The following LYPD6B variants were observed in gnomAD, a reference collection of about 807,000 sequenced individuals.
LYPD6B encodes the protein LY6/PLAUR domain containing 6B.
LYPD6B carries 17 observed loss-of-function variants against 22.8 expected under a neutral mutation model. That is an observed-to-expected ratio of 0.75 (90% CI 0.51 to 1.12). LYPD6B has a LOEUF of 1.12. Among genes scored for constraint, LYPD6B ranks in the 50% most tolerant of loss-of-function variants. The pLI is 0.00. For missense variants in LYPD6B, 221 were observed against 258.3 expected (o/e 0.86, Z 0.99); for synonymous variants, 106 against 91.6 (o/e 1.16, Z -0.90).
chr2:149,142,721 C>G (rs936037385), intron 2 of LYPD6B, among the ~76,000 whole-genome samples: 2 of 152,084 alleles, frequency 1.3e-5, no homozygotes, highest in African/African-American at 4.8e-5. Context: ...CCAGGCTGGC[C>G]TTGAACTCCT....
intron 1 of LYPD6B, among the ~76,000 whole-genome samples, chr2:149,075,479 G>A (rs1684840031): frequency 6.6e-6 from 1 of 150,480 alleles, no homozygotes; most frequent in South Asian, 2.1e-4. Flanking sequence ...CTGTTCATGT[G>A]ATGAAGTTAA....
rs116680787 is a variant in LYPD6B, at chr2:149,085,690, A to G, written c.-66-45193A>G. Among the ~76,000 whole-genome samples, 675 of 152,348 alleles carry G rather than the reference A, an allele frequency of 4.4e-3. 8 individuals are homozygous for G. Among genetic ancestry groups the G allele is most frequent in the African/African-American group, 0.016 (651 of 41,576 alleles). On this transcript the variant is annotated intron_variant, in intron 1 of 6. Transcript: ENST00000409642. ...AATCAACATTCTTTGAGCCAGTTAT[A>G]ACATTGTAGAATTTAAGAAAGAATT...
intron 1 of LYPD6B, among the ~76,000 whole-genome samples, chr2:149,092,190 T>G (rs1401446456): frequency 6.6e-6 from 1 of 151,430 alleles, no homozygotes; most frequent in Non-Finnish European, 1.5e-5. Flanking sequence ...ATTGTGGTGA[T>G]GGGGGGGGAA....
chr2:149,177,763 T>C (rs1250568203), intron 3 of LYPD6B, among the ~76,000 whole-genome samples: 1 of 151,904 alleles, frequency 6.6e-6, no homozygotes, highest in Non-Finnish European at 1.5e-5. Flanking sequence ...TCACGAAATC[T>C]GCTGCCCAAA....
At chr2:149,083,659 C>G (rs1685241997) in intron 1 of LYPD6B, among the ~76,000 whole-genome samples, 1 of 152,152 alleles carries the variant, frequency 6.6e-6, no homozygotes, top group Non-Finnish European at 1.5e-5. Flanking sequence ...TGAGTAGATT[C>G]AGGTTAAACA....
chr2:149,074,779 A>T (rs377620466), intron 1 of LYPD6B, among the ~76,000 whole-genome samples: 101 of 151,972 alleles, frequency 6.6e-4, no homozygotes, highest in African/African-American at 2.3e-3. Context: ...GAGCTTCCAG[A>T]ATATCCTATG....
intron 1 of LYPD6B, among the ~76,000 whole-genome samples, chr2:149,088,580 C>T (rs1685507415): frequency 6.6e-6 from 1 of 152,148 alleles, no homozygotes; most frequent in Non-Finnish European, 1.5e-5. Flanking sequence ...GCTGGTGATG[C>T]CCATTCCACT....
At chr2:149,128,709 T>C (rs1006541745) in intron 1 of LYPD6B, among the ~76,000 whole-genome samples, 2 of 152,170 alleles carry the variant, frequency 1.3e-5, no homozygotes, top group African/African-American at 4.8e-5. Flanking sequence ...ACAAAACAAG[T>C]CAAAATTTCT....
intron 1 of LYPD6B, among the ~76,000 whole-genome samples, chr2:149,059,992 G>A (rs763189948): frequency 6.6e-6 from 1 of 152,066 alleles, no homozygotes; most frequent in Non-Finnish European, 1.5e-5. Context: ...CAGCATGGTC[G>A]GAGCAGGCCT....
intron 3 of LYPD6B, among the ~76,000 whole-genome samples, chr2:149,192,393 A>G (rs1034186877): frequency 1.3e-5 from 2 of 149,662 alleles, no homozygotes; most frequent in African/African-American, 2.5e-5. Flanking sequence ...TAGGAAAGAC[A>G]TCTCAAGTGT....
At chr2:149,146,509 C>T (rs384231) in intron 2 of LYPD6B, among the ~76,000 whole-genome samples, 96,591 of 151,948 alleles carry the variant, frequency 0.64, 30,825 homozygotes, top group South Asian at 0.75. Context: ...CAGGGCTGGG[C>T]CACGCCAGGC....
At chr2:149,175,405 A>G (rs1443750194) in intron 3 of LYPD6B, among the ~76,000 whole-genome samples, 2 of 152,346 alleles carry the variant, frequency 1.3e-5, no homozygotes, top group Non-Finnish European at 2.9e-5. Context: ...TTTACCATGA[A>G]TAGAACTTGC....
intron 1 of LYPD6B, among the ~76,000 whole-genome samples, chr2:149,051,175 A>T (rs10205449): frequency 0.52 from 78,894 of 151,070 alleles, 20,947 homozygotes; most frequent in East Asian, 0.82. Flanking sequence ...TATTATTATT[A>T]TTTTTTTTGA....
intron 2 of LYPD6B, chr2:149,144,030 G>A (rs977413731): frequency 6.6e-6 from 1 of 152,254 alleles, no homozygotes; most frequent in Non-Finnish European, 1.5e-5. Flanking sequence ...GGTCTTTGTG[G>A]TGGATTCTTT....
At chr2:149,111,421 G>T (rs1267608595) in intron 1 of LYPD6B, among the ~76,000 whole-genome samples, 1 of 152,098 alleles carries the variant, frequency 6.6e-6, no homozygotes, top group Admixed American at 6.6e-5. Context: ...TCTGATTTGG[G>T]ATATATTTAG....
chr2:149,160,447 G>C, intron 2 of LYPD6B: 1 of 488,332 alleles, frequency 2.0e-6, no homozygotes, highest in Non-Finnish European at 4.0e-6. Flanking sequence ...CAGCTCTTTG[G>C]TAAGCAGCCA....
intron 2 of LYPD6B, among the ~76,000 whole-genome samples, chr2:149,136,085 C>T (rs975504005): frequency 2.6e-5 from 4 of 152,100 alleles, no homozygotes; most frequent in Admixed American, 1.3e-4. Flanking sequence ...CATGTAATAG[C>T]GGCTCCATAT....
intron 1 of LYPD6B, among the ~76,000 whole-genome samples, chr2:149,089,390 G>T (rs971743210): frequency 1.3e-5 from 2 of 152,174 alleles, no homozygotes; most frequent in Non-Finnish European, 2.9e-5. Context: ...GGGTCTGCAG[G>T]TTCTGGAGGG....
chr2:149,081,649 C>T (rs1685141168), intron 1 of LYPD6B, among the ~76,000 whole-genome samples: 1 of 152,108 alleles, frequency 6.6e-6, no homozygotes, highest in Admixed American at 6.6e-5. Context: ...GTATCTGGAT[C>T]AAGAAACAGA....
Sources: gnomAD v4.1 joint callset for allele counts (sites outside exome capture counted in the v4.1 genomes callset) on GRCh38, gnomAD v4.1.1 for gene constraint, MANE v1.5 for transcripts, NCBI Gene and HGNC (gene_info 2026-07-23, HGNC 2026-07-21) for gene names.